The following WDTC1 variants were observed in gnomAD, a reference collection of about 807,000 sequenced individuals.
WDTC1 encodes WD and tetratricopeptide repeats protein 1.
In WDTC1, 12 loss-of-function variants were observed where a neutral mutation model predicts 76.0. The observed-to-expected ratio is 0.16, with a 90% CI of 0.10 to 0.26. WDTC1 has a LOEUF of 0.26. WDTC1 is among the 10% of genes least tolerant of loss of function. The pLI is 1.00. For missense variants in WDTC1, 511 were observed against 908.8 expected (o/e 0.56, Z 5.63); for synonymous variants, 326 against 350.8 (o/e 0.93, Z 0.79).
chr1:27,292,540 A>G (rs376472525), intron 7 of WDTC1, 143 bp downstream of exon 7: 1 of 723,908 alleles, frequency 1.4e-6, no homozygotes, highest in East Asian at 3.3e-5. Flanking sequence ...CGATCCTCCC[A>G]TCTCAGCCTC....
chr1:27,285,124 G>A (rs889562148), intron 5 of WDTC1, among the ~76,000 whole-genome samples: 13 of 143,796 alleles, frequency 9.0e-5, no homozygotes, highest in Admixed American at 2.2e-4. Context: ...TGCAACCTCC[G>A]CCTCTGGGTT....
At chr1:27,292,568 C>T (rs915081159) in intron 7 of WDTC1, among the ~76,000 whole-genome samples, 171 bp downstream of exon 7, 1 of 151,982 alleles carries the variant, frequency 6.6e-6, no homozygotes, top group Non-Finnish European at 1.5e-5. Flanking sequence ...GCTGAGACTA[C>T]AGTCACACGC....
intron 1 of WDTC1, among the ~76,000 whole-genome samples, chr1:27,239,749 A>T (rs2011572597): frequency 7.3e-6 from 1 of 136,916 alleles, no homozygotes; most frequent in East Asian, 2.6e-4. Flanking sequence ...TGGGACGCAG[A>T]GGTTGCAGTG....
At chr1:27,253,430 C>CTCCTCCTCCT (rs1350911595) in intron 1 of WDTC1, among the ~76,000 whole-genome samples, 14 of 115,188 alleles carry the variant, frequency 1.2e-4, no homozygotes, top group Admixed American at 1.2e-3. Context: ...TCCCTCCTCC[C>CTCCTCCTCCT]TCCTCCTCCT....
At chr1:27,248,692 C>T (rs2011932575) in intron 1 of WDTC1, among the ~76,000 whole-genome samples, 1 of 152,026 alleles carries the variant, frequency 6.6e-6, no homozygotes, top group Non-Finnish European at 1.5e-5. Context: ...CAGAGTCTTG[C>T]CCTGTCTCCC....
At chr1:27,280,909 C>G (rs1254947534) in intron 3 of WDTC1, among the ~76,000 whole-genome samples, 1 of 152,136 alleles carries the variant, frequency 6.6e-6, no homozygotes, top group African/African-American at 2.4e-5. Context: ...GCCTGACATT[C>G]CTGTTTTTTT....
chr1:27,265,821 C>T (rs2012644879), intron 3 of WDTC1, among the ~76,000 whole-genome samples: 1 of 152,038 alleles, frequency 6.6e-6, no homozygotes, highest in Non-Finnish European at 1.5e-5. Flanking sequence ...GTGGTGTGTG[C>T]CTGTAATCCC....
intron 6 of WDTC1, 145 bp downstream of exon 6, chr1:27,288,006 C>T (rs2013393182): frequency 5.8e-6 from 6 of 1,031,400 alleles, no homozygotes; most frequent in Non-Finnish European, 8.4e-6. Context: ...GTACAAACTC[C>T]ACTGGGAACA....
chr1:27,257,329 C>G (rs897173404), intron 1 of WDTC1, among the ~76,000 whole-genome samples: 3 of 152,106 alleles, frequency 2.0e-5, no homozygotes, highest in Non-Finnish European at 4.4e-5. Flanking sequence ...GTGTTTGTTC[C>G]AATGCGTCCT....
chr1:27,297,928 TC>T lies in WDTC1; in HGVS notation c.1059-6del. On this transcript the variant is annotated splice_polypyrimidine_tract_variant and intron_variant, in intron 11 of 15. Coordinates refer to ENST00000319394, the MANE Select transcript of WDTC1 (RefSeq NM_001276252.2). ...TTGACTGTTCTGACTTGGCTCTATT[TC>T]CCCTGCAGCCCCCAAGTAGAGCTAC... The T allele has an allele frequency of 6.2e-7, 1 of 1,604,236 alleles. No homozygotes were observed. The highest frequency in any genetic ancestry group is 8.5e-7 in the Non-Finnish European group (1 of 1,173,396).
intron 1 of WDTC1, among the ~76,000 whole-genome samples, chr1:27,238,258 G>A (rs923218424): frequency 2.1e-5 from 3 of 143,198 alleles, no homozygotes; most frequent in African/African-American, 7.8e-5. Context: ...AGAGCCTGGG[G>A]GAACATGATA....
Position 27,259,935 on chromosome 1 carries a change from G to A in WDTC1, c.-99-1021G>A, listed in dbSNP as rs188229458. Among the ~76,000 whole-genome samples, 173 of 152,050 alleles carry A rather than the reference G, an allele frequency of 1.1e-3. 1 individual carries two copies. The highest frequency in any genetic ancestry group is 6.8e-3 in the Middle Eastern group (2 of 294). ...ACCTGTGATCTCAGTTATTCAGGAGGCTGAGATGGGAGGATCACTTGAGCC... is the reference window on the plus strand; with the variant it reads ...ACCTGTGATCTCAGTTATTCAGGAGACTGAGATGGGAGGATCACTTGAGCC... On this transcript the variant is annotated intron_variant, in intron 1 of 15. Coordinates refer to ENST00000319394, the MANE Select transcript of WDTC1 (RefSeq NM_001276252.2).
chr1:27,243,956 T>C (rs1346798612), intron 1 of WDTC1, among the ~76,000 whole-genome samples: 3 of 23,076 alleles, frequency 1.3e-4, no homozygotes, highest in Non-Finnish European at 2.5e-4. Context: ...TGAAACCCCA[T>C]CTCTACAAAA....
At chr1:27,244,784 C>T (rs1433457622) in intron 1 of WDTC1, among the ~76,000 whole-genome samples, 1 of 152,154 alleles carries the variant, frequency 6.6e-6, no homozygotes, top group East Asian at 1.9e-4. Context: ...TACATCTTTG[C>T]ATAATTCAGA....
intron 12 of WDTC1, among the ~76,000 whole-genome samples, chr1:27,299,708 T>G (rs1433146883): frequency 6.6e-6 from 1 of 152,020 alleles, no homozygotes; most frequent in Admixed American, 6.5e-5. Context: ...CTCGATTCAG[T>G]GCATGATGGG....
intron 3 of WDTC1, among the ~76,000 whole-genome samples, 157 bp from the exon 4 acceptor site, chr1:27,282,082 G>A (rs868327069): frequency 4.6e-5 from 7 of 152,128 alleles, no homozygotes; most frequent in South Asian, 4.1e-4. Flanking sequence ...ATTGTAAGAC[G>A]CTAGTCAGTT....
At chr1:27,269,315 T>C (rs1461617515) in intron 3 of WDTC1, among the ~76,000 whole-genome samples, 2 of 150,608 alleles carry the variant, frequency 1.3e-5, no homozygotes, top group African/African-American at 4.9e-5. Context: ...GCACTCCAAC[T>C]TGGGCAACAG....
intron 6 of WDTC1, among the ~76,000 whole-genome samples, chr1:27,290,362 G>C (rs2013504787): frequency 6.6e-6 from 1 of 152,140 alleles, no homozygotes; most frequent in Non-Finnish European, 1.5e-5. Flanking sequence ...ATGATTGCTG[G>C]TGTGAGCTAC....
At chr1:27,237,632 G>A (rs1428639679) in intron 1 of WDTC1, among the ~76,000 whole-genome samples, 1 of 151,996 alleles carries the variant, frequency 6.6e-6, no homozygotes, top group African/African-American at 2.4e-5. Flanking sequence ...GGCAGATCAC[G>A]AGGTCAGGAG....
Sources: allele counts gnomAD v4.1 joint callset (sites outside exome capture counted in the v4.1 genomes callset), GRCh38; gene constraint gnomAD v4.1.1; transcripts MANE v1.5; gene names NCBI Gene and HGNC (gene_info 2026-07-23, HGNC 2026-07-21).